LARGE1: variants seen among roughly 807,000 people sequenced by gnomAD.
The protein encoded by LARGE1 is xylosyl- and glucuronyltransferase LARGE1.
In LARGE1, 43 loss-of-function variants were observed where a neutral mutation model predicts 87.6. That is an observed-to-expected ratio of 0.49 (90% CI 0.38 to 0.63). The LOEUF (loss-of-function observed/expected upper bound fraction) is 0.63, where lower values mean the gene tolerates loss of function less well. Among genes scored for constraint, LARGE1 ranks in the 30% least tolerant of loss-of-function variants. The pLI, the probability that LARGE1 is intolerant of heterozygous loss-of-function variation, is 0.00. For synonymous variants in LARGE1, 434 were observed against 394.6 expected, an observed-to-expected ratio of 1.10 and a Z score of -1.18; for missense variants, 802 against 1,000.2, an observed-to-expected ratio of 0.80 and a Z score of 2.67.
At chr22:33,221,617 T>G (rs1925461895) in intron 11 of LARGE1, 1 of 152,222 alleles carries the variant, frequency 6.6e-6, no homozygotes, top group Non-Finnish European at 1.5e-5. Flanking sequence ...AAAGATGGAT[T>G]TATATCGGCT....
At chr22:33,539,432 T>C (rs992675826) in intron 6 of LARGE1, among the ~76,000 whole-genome samples, 1 of 152,176 alleles carries the variant, frequency 6.6e-6, no homozygotes, top group Non-Finnish European at 1.5e-5. Flanking sequence ...ATAGGCCCAA[T>C]GGGGTAAATA....
chr22:33,303,647 G>A (rs1386418113), intron 12 of LARGE1, among the ~76,000 whole-genome samples: 6 of 152,062 alleles, frequency 3.9e-5, no homozygotes, highest in Non-Finnish European at 5.9e-5. Context: ...TTTTGAGAAG[G>A]AGTCTTGCTC....
intron 7 of LARGE1, among the ~76,000 whole-genome samples, chr22:33,405,095 G>C (rs1014446633): frequency 1.3e-5 from 2 of 152,110 alleles, no homozygotes; most frequent in Non-Finnish European, 2.9e-5. Context: ...TTTTGTCTTT[G>C]TTTCTTTCTT....
chr22:33,353,081 A>C (rs575419967), intron 9 of LARGE1, among the ~76,000 whole-genome samples: 5 of 152,256 alleles, frequency 3.3e-5, no homozygotes, highest in Non-Finnish European at 7.3e-5. Context: ...TAAATTTTCA[A>C]GACTATTTGA....
At chr22:33,521,571 A>C (rs1251373622) in intron 6 of LARGE1, among the ~76,000 whole-genome samples, 2 of 152,178 alleles carry the variant, frequency 1.3e-5, no homozygotes, top group East Asian at 3.8e-4. Context: ...AACAAACGAC[A>C]AGACCGGCCC....
intron 11 of LARGE1, among the ~76,000 whole-genome samples, chr22:33,314,177 T>A (rs561237002): frequency 1.4e-3 from 214 of 152,220 alleles, no homozygotes; most frequent in African/African-American, 5.0e-3. Context: ...TCCATGCTTG[T>A]CCCTTGCTCT....
chr22:33,778,957 C>G (rs1266550279), intron 1 of LARGE1, among the ~76,000 whole-genome samples: 2 of 152,134 alleles, frequency 1.3e-5, no homozygotes, highest in African/African-American at 4.8e-5. Flanking sequence ...AGCCTAGCAT[C>G]CTGTTTTACA....
chr22:33,127,070 G>T, the LARGE1 span, among the ~76,000 whole-genome samples: 2 of 152,170 alleles, frequency 1.3e-5, no homozygotes, highest in African/African-American at 4.8e-5. Flanking sequence ...CTGGATCAGT[G>T]GTTTCTGAGC....
intron 1 of LARGE1, among the ~76,000 whole-genome samples, chr22:33,811,577 G>A (rs760505381): frequency 6.6e-6 from 1 of 152,146 alleles, no homozygotes; most frequent in African/African-American, 2.4e-5. Flanking sequence ...TATTCGCAAC[G>A]TGGAAGAGCA....
intron 11 of LARGE1, among the ~76,000 whole-genome samples, chr22:33,311,252 G>A (rs1292144617): frequency 2.0e-5 from 3 of 152,102 alleles, no homozygotes; most frequent in African/African-American, 4.8e-5. Flanking sequence ...GAGCCACCGC[G>A]CCCGGCCCCG....
intron 1 of LARGE1, among the ~76,000 whole-genome samples, chr22:33,851,215 G>A (rs533467403): frequency 2.6e-4 from 39 of 152,338 alleles, no homozygotes; most frequent in African/African-American, 9.4e-4. Flanking sequence ...AATTGGACTT[G>A]TTAACAGCTC....
At chr22:33,322,381 A>C (rs572248595) in intron 10 of LARGE1, 4 of 152,322 alleles carry the variant, frequency 2.6e-5, no homozygotes, top group African/African-American at 9.6e-5. Context: ...GTAGTTAATT[A>C]ATTCCCTGCA....
chr22:33,392,041 T>C (rs1264713909), intron 7 of LARGE1, among the ~76,000 whole-genome samples: 1 of 152,054 alleles, frequency 6.6e-6, no homozygotes, highest in African/African-American at 2.4e-5. Context: ...AGTGTTGCAA[T>C]TACAGGTGTG....
intron 1 of LARGE1, among the ~76,000 whole-genome samples, chr22:33,890,941 T>G (rs2064988236): frequency 6.6e-6 from 1 of 152,098 alleles, no homozygotes; most frequent in Non-Finnish European, 1.5e-5. Flanking sequence ...CGCCAAGGCA[T>G]GCAACAGCTC....
rs2146303992 is a variant in LARGE1, at chr22:33,316,155, G to A, written c.1381C>T (p.Leu461=). The A allele has an allele frequency of 6.2e-7, 1 of 1,614,152 alleles. No individual in the cohort carries two copies. Among genetic ancestry groups the A allele is most frequent in the Middle Eastern group, 1.7e-4 (1 of 6,060 alleles). The change falls in exon 11 of 15, where the codon CTG becomes TTG. Residue 461 remains leucine, a synonymous_variant. Transcript: ENST00000397394. ...FTVHRTHLYF[L]HYEYEPAADS... ...GCTGCAGGCTCATACTCGTAGTGCA[G>A]GAAGTACAGGTGGGTGCGGTGGACA...
intron 11 of LARGE1, among the ~76,000 whole-genome samples, chr22:33,198,015 T>G (rs994249933): frequency 6.6e-6 from 1 of 152,046 alleles, no homozygotes; most frequent in African/African-American, 2.4e-5. Context: ...AAGAGAAAAT[T>G]TTTATATCTA....
At chr22:33,497,613 T>G (rs1237940075) in intron 6 of LARGE1, among the ~76,000 whole-genome samples, 1 of 152,198 alleles carries the variant, frequency 6.6e-6, no homozygotes, top group African/African-American at 2.4e-5. Flanking sequence ...AATTTTTCGA[T>G]GTGACAAAAC....
At chr22:33,471,481 T>C (rs2068839196) in intron 6 of LARGE1, among the ~76,000 whole-genome samples, 1 of 152,222 alleles carries the variant, frequency 6.6e-6, no homozygotes, top group African/African-American at 2.4e-5. Flanking sequence ...AATTTTCCGA[T>C]GTGGCTCTTC....
chr22:33,166,527 C>T (rs1201811841), exon 12 of LARGE1: 2 of 333,916 alleles, frequency 6.0e-6, no homozygotes, highest in African/African-American at 4.3e-5. Context: ...GGGATGTTCA[C>T]CTGGCATGTA....
Sources: allele counts gnomAD v4.1 joint callset (sites outside exome capture counted in the v4.1 genomes callset), GRCh38; gene constraint gnomAD v4.1.1; transcripts MANE v1.5; gene names NCBI Gene and HGNC (gene_info 2026-07-23, HGNC 2026-07-21).